MEGF6: variants seen among roughly 807,000 people sequenced by gnomAD.
MEGF6 encodes the protein multiple epidermal growth factor-like domains protein 6.
In MEGF6, 184 loss-of-function variants were observed where a neutral mutation model predicts 207.1. The ratio of observed to expected loss-of-function variants is 0.89; its 90% CI spans 0.79 to 1.00. The LOEUF (loss-of-function observed/expected upper bound fraction) is 1.00, where lower values mean the gene tolerates loss of function less well. Among genes scored for constraint, MEGF6 ranks in the 50% least tolerant of loss-of-function variants. MEGF6 has a pLI of 0.00. For missense variants in MEGF6, 2,282 were observed against 2,202.9 expected (o/e 1.04, Z -0.72); for synonymous variants, 1,038 against 910.0 (o/e 1.14, Z -2.53).
intron 4 of MEGF6, among the ~76,000 whole-genome samples, chr1:3,569,807 C>G (rs556218069): frequency 6.6e-6 from 1 of 152,364 alleles, no homozygotes; most frequent in East Asian, 1.9e-4. Context: ...GCCCCCCACC[C>G]CACAATGCCT....
chr1:3,583,232 C>T (rs1291404205), intron 3 of MEGF6, among the ~76,000 whole-genome samples: 1 of 152,186 alleles, frequency 6.6e-6, no homozygotes. Flanking sequence ...CCCATGCCGT[C>T]AGCATCCCCT....
Position 3,536,931 on chromosome 1 carries a change from G to A in MEGF6, c.482-12685C>T, listed in dbSNP as rs527238150. The stretch of plus-strand genomic sequence containing the variant: ...TGTCTGTCCCTCAGTGCTCACCTCC[G>A]ACACCCGCTCCACAAGGCCCCCCTC... On this transcript the variant is annotated intron_variant, in intron 4 of 36. Coordinates refer to ENST00000356575, the MANE Select transcript of MEGF6 (RefSeq NM_001409.4). Among the ~76,000 whole-genome samples the A allele has an allele frequency of 3.3e-5, 5 of 152,376 alleles. No individual in the cohort carries two copies. In the South Asian group the frequency reaches 6.2e-4, roughly 19 times the overall value.
rs530255126 is a variant in MEGF6, at chr1:3,505,361, G to T, written c.2054-19C>A. ...TCACACTCTGCAGGGCGTGAGAGAG[G>T]GGTGGGTGGGGTTAACCGACCCTGG... On this transcript the variant is annotated intron_variant, in intron 16 of 36. Coordinates refer to ENST00000356575, the MANE Select transcript of MEGF6 (RefSeq NM_001409.4). 6.2e-7 allele frequency: 1 copy of T among 1,608,056 alleles called. No homozygotes were observed. The highest frequency in any genetic ancestry group is 1.1e-5 in the South Asian group (1 of 90,694).
At chr1:3,592,967 G>A (rs1258580721) in intron 3 of MEGF6, among the ~76,000 whole-genome samples, 6 of 151,772 alleles carry the variant, frequency 4.0e-5, no homozygotes, top group East Asian at 3.9e-4. Flanking sequence ...AGCCCAGCCC[G>A]GGCTGCCCCG....
chr1:3,600,913 C>G (rs6703496), intron 2 of MEGF6, among the ~76,000 whole-genome samples: 105,899 of 152,134 alleles, frequency 0.7, 37,818 homozygotes, highest in East Asian at 0.86. Flanking sequence ...CTCGGCCCCT[C>G]CCCCATGACA....
chr1:3,524,461 G>A (rs1012275973), intron 4 of MEGF6, among the ~76,000 whole-genome samples: 5 of 152,214 alleles, frequency 3.3e-5, no homozygotes, highest in African/African-American at 4.8e-5. Context: ...AAGAGCCACC[G>A]CCTCGAGGGC....
Position 3,508,686 on chromosome 1 carries a change from C to T in MEGF6, c.1532G>A (p.Cys511Tyr). Residue 511 changes from cysteine (C) to tyrosine (Y), a missense_variant, in exon 13 of 37, where the codon TGC (cysteine) becomes TAC (tyrosine). Physicochemically the swap from Cys to Tyr is radical, Grantham distance 194. Coordinates refer to ENST00000356575, the MANE Select transcript of MEGF6 (RefSeq NM_001409.4). ...GTCATGGCCAAAGGAGTCATCCAGG[C>T]AGACTGGGGGCAGACCAGGATGGGG... ...GEHTLTEKFV[C>Y]LDDSFGHDCS... is the part of the protein sequence containing the mutation. 6.2e-7 allele frequency: 1 copy of T among 1,613,060 alleles called. No homozygotes were observed. The highest frequency in any genetic ancestry group is 1.3e-5 in the African/African-American group (1 of 75,058).
intron 17 of MEGF6, among the ~76,000 whole-genome samples, chr1:3,503,463 A>AAGGGGCAGAGG (rs887872288): frequency 1.3e-5 from 2 of 151,968 alleles, no homozygotes; most frequent in African/African-American, 4.8e-5. Context: ...AAAAGAGGGG[A>AAGGGGCAGAGG]AGGGGCAGAG....
At chr1:3,612,547 A>G (rs1644341973), upstream of MEGF6, among the ~76,000 whole-genome samples, 1 of 152,154 alleles carries the variant, frequency 6.6e-6, no homozygotes, top group African/African-American at 2.4e-5. Context: ...GTGAGACCGG[A>G]TGGGGGCCAG....
At chr1:3,502,538 G>A (rs1383265065) in intron 17 of MEGF6, among the ~76,000 whole-genome samples, 1 of 152,068 alleles carries the variant, frequency 6.6e-6, no homozygotes, top group Non-Finnish European at 1.5e-5. Context: ...GATGGGGCTA[G>A]AATGGGGAGG....
At chr1:3,514,473 TAG>T in intron 7 of MEGF6, 75 bp downstream of exon 7, 1 of 1,482,698 alleles carries the variant, frequency 6.7e-7, no homozygotes, top group African/African-American at 1.4e-5. Context: ...GCCCCAGAGT[TAG>T]ACACGGGTCC....
chr1:3,576,182 C>T (rs988218686), intron 4 of MEGF6, among the ~76,000 whole-genome samples: 6 of 152,264 alleles, frequency 3.9e-5, no homozygotes, highest in African/African-American at 1.4e-4. Flanking sequence ...AGCGCCGGGC[C>T]CTCCACCCTC....
chr1:3,492,004 A>C (rs560695719), intron 35 of MEGF6, among the ~76,000 whole-genome samples: 1 of 152,032 alleles, frequency 6.6e-6, no homozygotes, highest in Non-Finnish European at 1.5e-5. Flanking sequence ...CACTGGCTAC[A>C]TTCACACACT....
At chr1:3,587,881 AGT>A (rs1557799082) in intron 3 of MEGF6, among the ~76,000 whole-genome samples, 1 of 115,616 alleles carries the variant, frequency 8.6e-6, no homozygotes, top group African/African-American at 3.2e-5. Context: ...AGTGGCCAGG[AGT>A]GGCCAGGAGG....
chr1:3,610,597 T>C (rs1367905560), intron 1 of MEGF6, among the ~76,000 whole-genome samples: 2 of 152,250 alleles, frequency 1.3e-5, no homozygotes, highest in African/African-American at 4.8e-5. Flanking sequence ...TCTTTCAAAA[T>C]TAAATTCATC....
intron 4 of MEGF6, among the ~76,000 whole-genome samples, chr1:3,544,134 G>A (rs1642623742): frequency 6.6e-6 from 1 of 151,512 alleles, no homozygotes; most frequent in Non-Finnish European, 1.5e-5. Flanking sequence ...CCCCATTACA[G>A]GGCCCACCAC....
intron 4 of MEGF6, among the ~76,000 whole-genome samples, chr1:3,569,827 C>T (rs894475126): frequency 3.9e-5 from 6 of 152,202 alleles, no homozygotes; most frequent in African/African-American, 9.7e-5. Context: ...TGGGAGGGTC[C>T]GCCTCTTAAT....
intron 4 of MEGF6, among the ~76,000 whole-genome samples, chr1:3,542,572 G>A (rs1570099328): frequency 6.6e-6 from 1 of 152,314 alleles, no homozygotes; most frequent in East Asian, 1.9e-4. Flanking sequence ...CCAGGCCGAG[G>A]GGAAGATGGG....
At chr1:3,597,014 C>T (rs1003902343) in intron 2 of MEGF6, among the ~76,000 whole-genome samples, 5 of 152,180 alleles carry the variant, frequency 3.3e-5, no homozygotes, top group African/African-American at 9.7e-5. Context: ...CCGCTCCATG[C>T]CCCCTAAAGT....
Sources: gnomAD v4.1 joint callset for allele counts (sites outside exome capture counted in the v4.1 genomes callset) on GRCh38, gnomAD v4.1.1 for gene constraint, MANE v1.5 for transcripts, NCBI Gene and HGNC (gene_info 2026-07-23, HGNC 2026-07-21) for gene names.